FHIT: variants seen among roughly 807,000 people sequenced by gnomAD.
FHIT encodes the protein fragile histidine triad diadenosine triphosphatase, also known as bis(5'-adenosyl)-triphosphatase.
A neutral mutation model predicts 17.9 loss-of-function variants in FHIT; 19 were observed. That is an observed-to-expected ratio of 1.06 (90% CI 0.74 to 1.56). The LOEUF (loss-of-function observed/expected upper bound fraction) is 1.56. FHIT is among the 40% of genes most tolerant of loss of function. The pLI is 0.00. For missense variants in FHIT, 248 were observed against 189.2 expected, an observed-to-expected ratio of 1.31 and a Z score of -1.82; for synonymous variants, 81 against 69.7, an observed-to-expected ratio of 1.16 and a Z score of -0.81.
chr3:60,985,738 G>A (rs886137344), intron 3 of FHIT, among the ~76,000 whole-genome samples: 1 of 152,182 alleles, frequency 6.6e-6, no homozygotes, highest in Non-Finnish European at 1.5e-5. Flanking sequence ...AAATTCCCAG[G>A]TGCGTTAGCT....
chr3:60,390,011 C>G (rs886671292), intron 5 of FHIT, among the ~76,000 whole-genome samples: 12 of 152,254 alleles, frequency 7.9e-5, no homozygotes, highest in African/African-American at 2.6e-4. Context: ...ACATTCCTTC[C>G]ATATATCTCT....
chr3:59,900,347 A>G (rs1393300050), intron 8 of FHIT, among the ~76,000 whole-genome samples: 3 of 152,214 alleles, frequency 2.0e-5, no homozygotes, highest in African/African-American at 7.2e-5. Context: ...GCCTTCAACC[A>G]CGTGATGTAT....
intron 8 of FHIT, among the ~76,000 whole-genome samples, chr3:59,890,511 G>C (rs892050134): frequency 6.6e-6 from 1 of 152,136 alleles, no homozygotes; most frequent in East Asian, 1.9e-4. Flanking sequence ...TCCTGTTGGG[G>C]AAGTTCTGAA....
At chr3:60,901,913 TC>T (rs1706133189) in intron 3 of FHIT, among the ~76,000 whole-genome samples, 1 of 152,204 alleles carries the variant, frequency 6.6e-6, no homozygotes, top group Non-Finnish European at 1.5e-5. Flanking sequence ...TACTGTTTTG[TC>T]CTCGCGTTGG....
rs140856168 is a variant in FHIT at position 60,389,682 on chromosome 3, A to G, written c.103+147178T>C. Among the ~76,000 whole-genome samples, 51 of 152,322 alleles carry G rather than the reference A, an allele frequency of 3.3e-4. No homozygotes were observed. The East Asian group carries it at 8.1e-3, about 24-fold the overall frequency. On this transcript the variant is annotated intron_variant, in intron 5 of 9. Coordinates refer to ENST00000492590, the MANE Select transcript of FHIT (RefSeq NM_002012.4). ...TAAGTGTTATATTTATGTGCCAAGTATGGTCGATAATGAGGTCTTTACCGT... is the reference window on the plus strand; with the variant it reads ...TAAGTGTTATATTTATGTGCCAAGTGTGGTCGATAATGAGGTCTTTACCGT...
chr3:60,705,747 C>T (rs1422254955), intron 4 of FHIT, among the ~76,000 whole-genome samples: 3 of 152,144 alleles, frequency 2.0e-5, no homozygotes, highest in African/African-American at 7.2e-5. Flanking sequence ...TGAACGGAGT[C>T]TAAACATTCT....
chr3:60,128,790 C>A (rs1375974715), intron 5 of FHIT, among the ~76,000 whole-genome samples: 1 of 152,148 alleles, frequency 6.6e-6, no homozygotes, highest in East Asian at 1.9e-4. Context: ...TCAATGAACA[C>A]TGCACAGGTG....
intron 7 of FHIT, among the ~76,000 whole-genome samples, chr3:59,956,534 G>C (rs1298385997): frequency 6.6e-6 from 1 of 152,090 alleles, no homozygotes; most frequent in Non-Finnish European, 1.5e-5. Flanking sequence ...TGGGCTTGGT[G>C]GTGTGCATCT....
chr3:60,602,947 G>C (rs2038493009), intron 4 of FHIT, among the ~76,000 whole-genome samples: 1 of 152,170 alleles, frequency 6.6e-6, no homozygotes, highest in Non-Finnish European at 1.5e-5. Flanking sequence ...CTTGATCTTA[G>C]ACTTCCCAGT....
chr3:60,539,857 G>C (rs965842232), intron 4 of FHIT, among the ~76,000 whole-genome samples: 1 of 151,786 alleles, frequency 6.6e-6, no homozygotes, highest in Non-Finnish European at 1.5e-5. Context: ...AAGTTAATGG[G>C]TGCAGCACAC....
chr3:60,414,562 C>A (rs1340923364), intron 5 of FHIT, among the ~76,000 whole-genome samples: 2 of 152,120 alleles, frequency 1.3e-5, no homozygotes, highest in Non-Finnish European at 2.9e-5. Flanking sequence ...AACCTGAAAG[C>A]AAATTTATCA....
chr3:61,081,899 T>C (rs1402155642), intron 2 of FHIT, among the ~76,000 whole-genome samples: 2 of 152,292 alleles, frequency 1.3e-5, no homozygotes, highest in East Asian at 3.9e-4. Context: ...CAATTCGACC[T>C]ACTAACACTC....
intron 4 of FHIT, among the ~76,000 whole-genome samples, chr3:60,563,190 A>G (rs1271256063): frequency 6.6e-6 from 1 of 152,172 alleles, no homozygotes; most frequent in Non-Finnish European, 1.5e-5. Context: ...GGGAAGCGGT[A>G]GGGACTTGAG....
intron 5 of FHIT, among the ~76,000 whole-genome samples, chr3:60,395,376 G>T (rs900820889): frequency 1.3e-5 from 2 of 152,162 alleles, no homozygotes; most frequent in African/African-American, 4.8e-5. Flanking sequence ...GGATTAGAAA[G>T]TTTAAAATCC....
chr3:60,383,425 C>G (rs1700886418), intron 5 of FHIT, among the ~76,000 whole-genome samples: 1 of 152,102 alleles, frequency 6.6e-6, no homozygotes, highest in African/African-American at 2.4e-5. Flanking sequence ...TTGGCAATGT[C>G]TACTGATATT....
At chr3:60,493,399 T>A (rs1427592756) in intron 5 of FHIT, among the ~76,000 whole-genome samples, 1 of 152,194 alleles carries the variant, frequency 6.6e-6, no homozygotes, top group East Asian at 1.9e-4. Flanking sequence ...AATTTTCTCA[T>A]CTTATCAGGC....
chr3:60,302,387 C>T (rs578101902), intron 5 of FHIT, among the ~76,000 whole-genome samples: 1 of 152,138 alleles, frequency 6.6e-6, no homozygotes, highest in South Asian at 2.1e-4. Flanking sequence ...TCCAACCCTG[C>T]ATAATTTCTC....
At chr3:60,715,132 A>G (rs1284475692) in intron 4 of FHIT, among the ~76,000 whole-genome samples, 20 of 152,202 alleles carry the variant, frequency 1.3e-4, no homozygotes, top group African/African-American at 4.3e-4. Flanking sequence ...ATAATGCCGC[A>G]TATCTACAAC....
At chr3:60,647,119 C>G (rs1180055482) in intron 4 of FHIT, among the ~76,000 whole-genome samples, 4 of 152,128 alleles carry the variant, frequency 2.6e-5, no homozygotes, top group Admixed American at 6.5e-5. Flanking sequence ...AGAAATATAC[C>G]TTTAGCAATG....
Sources: gnomAD v4.1 joint callset for allele counts (sites outside exome capture counted in the v4.1 genomes callset) on GRCh38, gnomAD v4.1.1 for gene constraint, MANE v1.5 for transcripts, NCBI Gene and HGNC (gene_info 2026-07-23, HGNC 2026-07-21) for gene names.